SLC71A1: variants seen among roughly 807,000 people sequenced by gnomAD.
SLC71A1 encodes hippocampus abundant gene transcript 1.
chr1:100,061,717 T>C, the SLC71A1 span: 3 of 686,030 alleles, frequency 4.4e-6, no homozygotes, highest in Non-Finnish European at 5.2e-6. Flanking sequence ...CCATGAACTA[T>C]CCTAGTAAGC....
At chr1:100,066,433 T>C in the SLC71A1 span, among the ~76,000 whole-genome samples, 1 of 152,204 alleles carries the variant, frequency 6.6e-6, no homozygotes, top group Non-Finnish European at 1.5e-5. Flanking sequence ...ACCAAGCTTG[T>C]CCAACCCATG....
the SLC71A1 span, among the ~76,000 whole-genome samples, chr1:100,045,312 AT>A: frequency 6.6e-6 from 1 of 152,172 alleles, no homozygotes; most frequent in South Asian, 2.1e-4. Flanking sequence ...CGTTGCTGGA[AT>A]ATAGCAGTGC....
the SLC71A1 span, among the ~76,000 whole-genome samples, chr1:100,052,860 T>C: frequency 6.6e-6 from 1 of 152,044 alleles, no homozygotes; most frequent in Admixed American, 6.5e-5. Context: ...CTTGGCTCAC[T>C]GCAACCTCCA....
chr1:100,065,004 C>T, the SLC71A1 span, among the ~76,000 whole-genome samples: 3 of 152,128 alleles, frequency 2.0e-5, no homozygotes, highest in Non-Finnish European at 4.4e-5. Context: ...TCAAGTGATC[C>T]TTCCACCTCA....
the SLC71A1 span, among the ~76,000 whole-genome samples, chr1:100,046,248 A>G: frequency 1.7e-5 from 1 of 58,850 alleles, no homozygotes; most frequent in Non-Finnish European, 3.4e-5. Context: ...TTTTTTTGAG[A>G]CAGAGTCTAG....
the SLC71A1 span, chr1:100,038,126 G>T: frequency 1.0e-6 from 1 of 971,616 alleles, no homozygotes; most frequent in Non-Finnish European, 1.6e-6. Flanking sequence ...GATGGCGGCG[G>T]GCGCCCAGAG....
At chr1:100,043,722 C>G in the SLC71A1 span, among the ~76,000 whole-genome samples, 8 of 152,202 alleles carry the variant, frequency 5.3e-5, no homozygotes, top group Admixed American at 2.6e-4. Context: ...TCAAGCTTCC[C>G]CCCCATCCTC....
the SLC71A1 span, among the ~76,000 whole-genome samples, chr1:100,047,525 C>T: frequency 1.3e-4 from 20 of 152,324 alleles, no homozygotes; most frequent in Non-Finnish European, 2.6e-4. Context: ...CGCGTTCAAG[C>T]GATTCTCCTG....
chr1:100,079,567 C>G, the SLC71A1 span: 2 of 152,148 alleles, frequency 1.3e-5, no homozygotes, highest in South Asian at 4.1e-4. Flanking sequence ...AAGAGAGAAA[C>G]AAAAATCAAA....
the SLC71A1 span, among the ~76,000 whole-genome samples, chr1:100,049,031 A>G: frequency 6.6e-6 from 1 of 152,148 alleles, no homozygotes; most frequent in Non-Finnish European, 1.5e-5. Flanking sequence ...CCTCCCCTCC[A>G]ACATTCATAC....
the SLC71A1 span, chr1:100,077,083 C>G: frequency 3.0e-6 from 2 of 669,192 alleles, no homozygotes; most frequent in Non-Finnish European, 5.1e-6. Context: ...TAGAAAAGTG[C>G]CAATAGTCCT....
At chr1:100,064,403 A>G in the SLC71A1 span, among the ~76,000 whole-genome samples, 1 of 152,204 alleles carries the variant, frequency 6.6e-6, no homozygotes, top group African/African-American at 2.4e-5. Context: ...TGTTGGGATT[A>G]TAGGCGTGAG....
At chr1:100,069,515 T>A in the SLC71A1 span, 2 of 705,438 alleles carry the variant, frequency 2.8e-6, no homozygotes, top group Non-Finnish European at 5.0e-6. Context: ...TTTATTTTTT[T>A]CTGGCCCATT....
the SLC71A1 span, among the ~76,000 whole-genome samples, chr1:100,040,726 C>G: frequency 1.3e-5 from 2 of 152,156 alleles, no homozygotes; most frequent in Non-Finnish European, 2.9e-5. Flanking sequence ...TCCCAAAGTG[C>G]AGGGATTACA....
chr1:100,066,633 A>T, the SLC71A1 span, among the ~76,000 whole-genome samples: 1 of 152,200 alleles, frequency 6.6e-6, no homozygotes, highest in Non-Finnish European at 1.5e-5. Context: ...CATGACTGGC[A>T]GTCAAGGAGG....
the SLC71A1 span, among the ~76,000 whole-genome samples, chr1:100,055,238 A>G: frequency 1.3e-5 from 2 of 152,160 alleles, no homozygotes; most frequent in Non-Finnish European, 2.9e-5. Flanking sequence ...AGCATAATAC[A>G]TTTGAGTCCC....
the SLC71A1 span, among the ~76,000 whole-genome samples, chr1:100,076,356 C>CA: frequency 4.0e-5 from 6 of 151,370 alleles, no homozygotes; most frequent in South Asian, 2.1e-4. Flanking sequence ...GTTAGAATAG[C>CA]AAAAAAAAAT....
chr1:100,051,352 C>G, the SLC71A1 span, among the ~76,000 whole-genome samples: 1 of 151,976 alleles, frequency 6.6e-6, no homozygotes, highest in Admixed American at 6.6e-5. Flanking sequence ...GACTGCACCA[C>G]TACCCTCCAG....
the SLC71A1 span, among the ~76,000 whole-genome samples, chr1:100,066,395 C>T: frequency 6.6e-6 from 1 of 152,202 alleles, no homozygotes; most frequent in Non-Finnish European, 1.5e-5. Flanking sequence ...TCACAGAGAG[C>T]ACTTAAGGGT....
Sources: gnomAD v4.1 joint callset for allele counts (sites outside exome capture counted in the v4.1 genomes callset) on GRCh38, gnomAD v4.1.1 for gene constraint, MANE v1.5 for transcripts, NCBI Gene and HGNC (gene_info 2026-07-23, HGNC 2026-07-21) for gene names.